The following USP54 variants were observed in gnomAD, a reference collection of about 807,000 sequenced individuals.
USP54 encodes ubiquitin carboxyl-terminal hydrolase 54.
USP54 carries 87 observed loss-of-function variants against 170.5 expected under a neutral mutation model. That is an observed-to-expected ratio of 0.51 (90% CI 0.43 to 0.61). The LOEUF (loss-of-function observed/expected upper bound fraction) is 0.61, where lower values mean the gene tolerates loss of function less well. USP54 is among the 20% of genes least tolerant of loss of function. The pLI, the probability that USP54 is intolerant of heterozygous loss-of-function variation, is 0.00. For missense variants in USP54, 1,786 were observed against 2,047.8 expected (o/e 0.87, Z 2.47); for synonymous variants, 655 against 742.8 (o/e 0.88, Z 1.92).
intron 3 of USP54, among the ~76,000 whole-genome samples, chr10:73,572,927 C>T (rs977558928): frequency 6.6e-6 from 1 of 152,136 alleles, no homozygotes; most frequent in Non-Finnish European, 1.5e-5. Context: ...ACATTTATAT[C>T]AATGCCTTAT....
At chr10:73,534,471 C>G (rs1417379173) in intron 12 of USP54, 129 bp downstream of exon 12, 2 of 1,093,958 alleles carry the variant, frequency 1.8e-6, no homozygotes, top group East Asian at 2.6e-5. Context: ...CTTGGCCGCC[C>G]GCCTCGGCCT....
intron 1 of USP54, among the ~76,000 whole-genome samples, chr10:73,601,114 T>A (rs1444953964): frequency 6.6e-6 from 1 of 152,152 alleles, no homozygotes; most frequent in Non-Finnish European, 1.5e-5. Flanking sequence ...TTAAAGTGAA[T>A]AGGAAAGTTT....
At position 73,516,259 on chromosome 10, in the gene USP54, T is replaced by C. The variant is rs893375924; in HGVS notation, c.4051+116A>G. On this transcript the variant is annotated intron_variant, in intron 20 of 23. Transcript: ENST00000687698. Reference sequence around the variant, plus strand: ...TTCTGAGTAAAGTCAAAAGTTCTATTACCTCCTACTAAGCTGGGGATAGTA... The same window carrying C: ...TTCTGAGTAAAGTCAAAAGTTCTATCACCTCCTACTAAGCTGGGGATAGTA... 2.0e-5 allele frequency: 23 copies of C among 1,162,280 alleles called. No individual in the cohort carries two copies. The East Asian group carries it at 3.8e-4, about 19-fold the overall frequency. 72.0% of individuals were successfully genotyped at this position (1,162,280 alleles called of 1,614,324 possible).
chr10:73,620,724 G>C (rs2081024642), intron 1 of USP54, among the ~76,000 whole-genome samples: 1 of 150,218 alleles, frequency 6.7e-6, no homozygotes, highest in Admixed American at 6.6e-5. Flanking sequence ...AATCATCTGA[G>C]GTCAGGACTT....
At chr10:73,624,175 TATATATATATATATATATATG>T (rs2081302913) in intron 1 of USP54, among the ~76,000 whole-genome samples, 13 of 116,602 alleles carry the variant, frequency 1.1e-4, no homozygotes, top group East Asian at 3.4e-4. Flanking sequence ...TATATATATA[TATATATATATATATATATATG>T]TATTTTTTTT....
intron 1 of USP54, among the ~76,000 whole-genome samples, chr10:73,581,308 C>G (rs1304536697): frequency 2.6e-5 from 4 of 152,192 alleles, no homozygotes; most frequent in African/African-American, 9.7e-5. Context: ...TACGTATTTC[C>G]TTGTGTAACA....
chr10:73,563,689 G>A (rs187751492), intron 4 of USP54, among the ~76,000 whole-genome samples: 88 of 151,292 alleles, frequency 5.8e-4, no homozygotes, highest in Admixed American at 2.3e-3. Context: ...TGCCCGCCTC[G>A]GCCTCCCAAA....
At chr10:73,514,562 CAAA>C (rs879915884) in intron 20 of USP54, among the ~76,000 whole-genome samples, 1 of 125,336 alleles carries the variant, frequency 8.0e-6, no homozygotes, top group Admixed American at 8.0e-5. Flanking sequence ...GACTCTGTCT[CAAA>C]AAAAAAAAAA....
At chr10:73,502,111 A>G (rs1315118184) in intron 22 of USP54, among the ~76,000 whole-genome samples, 2 of 152,210 alleles carry the variant, frequency 1.3e-5, no homozygotes, top group Non-Finnish European at 2.9e-5. Context: ...TAGTAATAAT[A>G]CATTAAATAA....
Position 73,528,714 on chromosome 10 carries a change from C to T in USP54, c.2060+966G>A, listed in dbSNP as rs184227552. 2.6e-3 allele frequency among the ~76,000 whole-genome samples: 400 copies of T among 152,190 alleles called. 2 individuals are homozygous for T. Among genetic ancestry groups the T allele is most frequent in the African/African-American group, 9.1e-3 (378 of 41,528 alleles). On this transcript the variant is annotated intron_variant, in intron 15 of 23. Coordinates refer to ENST00000687698, the MANE Select transcript of USP54 (RefSeq NM_001391956.1). ...CCTCCCAAGTAATTGGGATTACAGA[C>T]GCCCACCACCATGCCTCACTAATTT... is the stretch of plus-strand genomic sequence containing the variant.
At chr10:73,510,511 G>A (rs1174940893) in intron 20 of USP54, among the ~76,000 whole-genome samples, 1 of 149,226 alleles carries the variant, frequency 6.7e-6, no homozygotes, top group Admixed American at 6.7e-5. Flanking sequence ...TAGTGCAATG[G>A]GCAGCTCACT....
At chr10:73,512,526 G>C (rs75573833) in intron 20 of USP54, among the ~76,000 whole-genome samples, 3 of 151,014 alleles carry the variant, frequency 2.0e-5, no homozygotes, top group Non-Finnish European at 3.0e-5. Flanking sequence ...TTTTTTTTAA[G>C]AGATAGGGTC....
intron 16 of USP54, among the ~76,000 whole-genome samples, chr10:73,526,193 A>G (rs2062808732): frequency 6.6e-6 from 1 of 152,218 alleles, no homozygotes; most frequent in African/African-American, 2.4e-5. Context: ...AAATCCAAAG[A>G]TGGAGCAACT....
At chr10:73,599,074 G>T (rs1054424425) in intron 1 of USP54, among the ~76,000 whole-genome samples, 20 of 152,220 alleles carry the variant, frequency 1.3e-4, no homozygotes, top group Admixed American at 1.3e-3. Flanking sequence ...GCAAGACTCC[G>T]TCTCAAAAAA....
rs111359569 is a variant in USP54 at position 73,545,399 on chromosome 10, C to T, written c.375+139G>A. 14 of 1,138,754 alleles carry T rather than the reference C, an allele frequency of 1.2e-5. No individual in the cohort carries two copies. The African/African-American group carries it at 1.4e-4, about 11-fold the overall frequency. The allele number at this position is 1,138,754 out of a possible 1,614,324, so 70.5% of individuals were successfully genotyped here. The stretch of plus-strand genomic sequence containing the variant: ...TGCTATAACAGAGACATTTTAGATC[C>T]CTGAAAAATCAGAGAAAACTCCTAG... On this transcript the variant is annotated intron_variant, in intron 5 of 23. Coordinates refer to ENST00000687698, the MANE Select transcript of USP54 (RefSeq NM_001391956.1).
intron 1 of USP54, among the ~76,000 whole-genome samples, chr10:73,582,621 C>T (rs1284749465): frequency 6.6e-6 from 1 of 152,170 alleles, no homozygotes; most frequent in African/African-American, 2.4e-5. Context: ...GAACTCCTGG[C>T]CTCAAGTGAT....
upstream of USP54, among the ~76,000 whole-genome samples, chr10:73,594,387 T>A (rs1042639480): frequency 1.3e-5 from 2 of 151,454 alleles, no homozygotes; most frequent in African/African-American, 4.9e-5. Flanking sequence ...AGACTCTAGA[T>A]TTTAGAATGT....
At chr10:73,509,736 C>T (rs1007599509) in intron 20 of USP54, among the ~76,000 whole-genome samples, 2 of 151,644 alleles carry the variant, frequency 1.3e-5, no homozygotes, top group African/African-American at 4.8e-5. Flanking sequence ...GGCTGGGCAT[C>T]GTAGCTCATG....
At chr10:73,600,323 G>C (rs1016755416) in intron 1 of USP54, among the ~76,000 whole-genome samples, 15 of 152,260 alleles carry the variant, frequency 9.9e-5, no homozygotes, top group Admixed American at 2.6e-4. Context: ...GAAAGGTGTA[G>C]GGGTGGAAGG....
Sources: allele counts gnomAD v4.1 joint callset (sites outside exome capture counted in the v4.1 genomes callset), GRCh38; gene constraint gnomAD v4.1.1; transcripts MANE v1.5; gene names NCBI Gene and HGNC (gene_info 2026-07-23, HGNC 2026-07-21).